The following SLC39A12 variants were observed in gnomAD, a reference collection of about 807,000 sequenced individuals.
The protein encoded by SLC39A12 is zinc transporter ZIP12.
In SLC39A12, 63 loss-of-function variants were observed where a neutral mutation model predicts 71.1. The observed-to-expected ratio is 0.89, with a 90% CI of 0.72 to 1.09. SLC39A12 has a LOEUF of 1.09. Ranked by LOEUF, SLC39A12 falls within the 50% of genes least tolerant of loss-of-function variation. The pLI, the probability that SLC39A12 is intolerant of heterozygous loss-of-function variation, is 0.00. For synonymous variants in SLC39A12, 351 were observed against 301.3 expected (o/e 1.16, Z -1.71); for missense variants, 892 against 812.6 (o/e 1.10, Z -1.19).
intron 4 of SLC39A12, among the ~76,000 whole-genome samples, chr10:17,968,420 G>T (rs1195182678): frequency 6.6e-6 from 1 of 152,094 alleles, no homozygotes; most frequent in Non-Finnish European, 1.5e-5. Context: ...TACATCTCCA[G>T]TGCTGGTCAT....
At chr10:18,017,991 G>A (rs546080517) in intron 12 of SLC39A12, among the ~76,000 whole-genome samples, 2 of 152,212 alleles carry the variant, frequency 1.3e-5, no homozygotes, top group South Asian at 4.1e-4. Flanking sequence ...GACATCTTGA[G>A]GATATACAGT....
intron 12 of SLC39A12, among the ~76,000 whole-genome samples, chr10:18,036,781 TA>T (rs1564665966): frequency 0.022 from 306 of 14,164 alleles, 22 homozygotes; most frequent in African/African-American, 0.044. Context: ...TATATATATA[TA>T]TATATATATA....
intron 12 of SLC39A12, among the ~76,000 whole-genome samples, chr10:18,007,669 TC>T (rs984067707): frequency 7.9e-5 from 12 of 151,846 alleles, no homozygotes; most frequent in East Asian, 5.8e-4. Context: ...GATTATTCAT[TC>T]CCCCCCCTTT....
chr10:17,986,903 T>A (rs1178399173), intron 6 of SLC39A12, among the ~76,000 whole-genome samples: 2 of 152,022 alleles, frequency 1.3e-5, no homozygotes, highest in Non-Finnish European at 2.9e-5. Context: ...TGCTCGAGGG[T>A]CTGATGTGGG....
chr10:17,953,459 A>G lies in SLC39A12; in HGVS notation c.183A>G (p.Ser61=). The change falls in exon 2 of 13, where the codon TCA becomes TCG. Residue 61 remains serine, a synonymous_variant. Transcript: ENST00000377369. ...SAGDHPPHNH[S]RSLIKTLLEK... The stretch of plus-strand genomic sequence containing the variant: ...GTGACCACCCACCCCACAACCACTC[A>G]AGAAGCCTCATCAAAACATTGTTGG... 1 of 1,614,206 alleles carries G rather than the reference A, an allele frequency of 6.2e-7. No individual in the cohort carries two copies. Among genetic ancestry groups the G allele is most frequent in the African/African-American group, 1.3e-5 (1 of 75,046 alleles).
intron 10 of SLC39A12, among the ~76,000 whole-genome samples, chr10:17,999,326 T>G (rs1052436465): frequency 1.4e-5 from 2 of 144,234 alleles, no homozygotes; most frequent in Non-Finnish European, 3.0e-5. Context: ...AAAGGAAGCA[T>G]TATGCATTCA....
chr10:18,028,343 G>C (rs1836737220), intron 12 of SLC39A12, among the ~76,000 whole-genome samples: 1 of 152,198 alleles, frequency 6.6e-6, no homozygotes, highest in South Asian at 2.1e-4. Context: ...TTCTTCTTCA[G>C]TGTGTATATT....
chr10:18,014,033 T>G (rs1038351025), intron 12 of SLC39A12, among the ~76,000 whole-genome samples: 1 of 152,220 alleles, frequency 6.6e-6, no homozygotes. Context: ...AGATTACGTT[T>G]AGTCTGTACT....
At chr10:17,962,125 C>T (rs1834707187) in intron 3 of SLC39A12, among the ~76,000 whole-genome samples, 2 of 152,192 alleles carry the variant, frequency 1.3e-5, no homozygotes, top group Admixed American at 6.5e-5. Context: ...CTGTCTTCTC[C>T]TGGGTCCCTC....
intron 12 of SLC39A12, among the ~76,000 whole-genome samples, chr10:18,038,725 C>T (rs919061684): frequency 1.3e-5 from 2 of 152,102 alleles, no homozygotes; most frequent in Non-Finnish European, 2.9e-5. Flanking sequence ...AAAACAGAAA[C>T]AGCTTGAAAT....
chr10:17,969,698 G>C (rs569174680), intron 4 of SLC39A12, among the ~76,000 whole-genome samples: 1 of 152,176 alleles, frequency 6.6e-6, no homozygotes, highest in South Asian at 2.1e-4. Context: ...TTAATTCCTG[G>C]TGAGATGAGT....
intron 12 of SLC39A12, among the ~76,000 whole-genome samples, chr10:18,011,230 C>A (rs1836211992): frequency 6.6e-6 from 1 of 152,044 alleles, no homozygotes; most frequent in Non-Finnish European, 1.5e-5. Context: ...GCTGGGATTG[C>A]AAACATGTGC....
At chr10:18,042,662 G>T in intron 12 of SLC39A12, 43 bp from the exon 13 acceptor site, 11 of 1,560,948 alleles carry the variant, frequency 7.0e-6, no homozygotes, top group African/African-American at 1.4e-5. Context: ...CCCAGCAGTT[G>T]AATATATCTG....
chr10:17,993,792 TATTA>T (rs1286666903), intron 9 of SLC39A12, among the ~76,000 whole-genome samples: 1 of 152,260 alleles, frequency 6.6e-6, no homozygotes, highest in African/African-American at 2.4e-5. Context: ...AAATCTTCTA[TATTA>T]ATTCTCAAAG....
Position 18,036,748 on chromosome 10 carries a change from AT to A in SLC39A12, c.1948-5956del, listed in dbSNP as rs1837038269. On this transcript the variant is annotated intron_variant, in intron 12 of 12. Coordinates refer to ENST00000377369, the MANE Select transcript of SLC39A12 (RefSeq NM_001145195.2). Reference sequence around the variant, plus strand: ...TCTTGCAGTTAGCATTTTAAAAATTATATATATATATATATATATATATATA... The same window carrying A: ...TCTTGCAGTTAGCATTTTAAAAATTAATATATATATATATATATATATATA... 1.8e-3 allele frequency among the ~76,000 whole-genome samples: 16 copies of A among 8,760 alleles called. No individual in the cohort carries two copies. In the South Asian group the frequency reaches 0.038, roughly 21 times the overall value. 5.7% of individuals were successfully genotyped at this position (8,760 alleles called of 152,430 possible). A position where few individuals can be genotyped will look rare whatever the true frequency, so the allele number is the denominator to read the frequency against.
At chr10:18,034,430 C>T (rs377674787) in intron 12 of SLC39A12, among the ~76,000 whole-genome samples, 2 of 152,098 alleles carry the variant, frequency 1.3e-5, no homozygotes, top group Non-Finnish European at 2.9e-5. Context: ...TTGATCTTTG[C>T]TGGTTTAAAG....
intron 12 of SLC39A12, among the ~76,000 whole-genome samples, chr10:18,036,794 A>ATTTTTTTTTTTTTTTTTTTTTTTT (rs746691202): frequency 1.1e-5 from 1 of 92,858 alleles, no homozygotes; most frequent in Admixed American, 1.5e-4. Flanking sequence ...ATATATATAT[A>ATTTTTTTTTTTTTTTTTTTTTTTT]TTTTTTTTTT....
intron 7 of SLC39A12, among the ~76,000 whole-genome samples, chr10:17,989,567 AC>A (rs2130822847): frequency 6.6e-6 from 1 of 151,930 alleles, no homozygotes; most frequent in East Asian, 1.9e-4. Context: ...ACAGAGGAGA[AC>A]TTCAGAGATT....
intron 7 of SLC39A12, among the ~76,000 whole-genome samples, chr10:17,990,886 T>G (rs972170496): frequency 2.6e-5 from 4 of 152,256 alleles, no homozygotes; most frequent in Admixed American, 2.6e-4. Context: ...TTAGGCTTCA[T>G]TCTGTTCATT....
Sources: allele counts gnomAD v4.1 joint callset (sites outside exome capture counted in the v4.1 genomes callset), GRCh38; gene constraint gnomAD v4.1.1; transcripts MANE v1.5; gene names NCBI Gene and HGNC (gene_info 2026-07-23, HGNC 2026-07-21).